HMBOX1: variants seen among roughly 807,000 people sequenced by gnomAD.
The protein encoded by HMBOX1 is homeobox containing 1.
Under a neutral mutation model 54.5 loss-of-function variants are expected in HMBOX1, and 14 were observed. The ratio of observed to expected loss-of-function variants is 0.26; its 90% CI spans 0.17 to 0.40. The LOEUF (loss-of-function observed/expected upper bound fraction) is 0.40, where lower values mean the gene tolerates loss of function less well. Among genes scored for constraint, HMBOX1 ranks in the 10% least tolerant of loss-of-function variants. HMBOX1 has a pLI of 1.00. For missense variants in HMBOX1, 332 were observed against 514.4 expected (o/e 0.65, Z 3.43); for synonymous variants, 160 against 181.0 (o/e 0.88, Z 0.93).
intron 1 of HMBOX1, among the ~76,000 whole-genome samples, chr8:28,950,250 T>A (rs1220187376): frequency 1.3e-5 from 2 of 152,218 alleles, no homozygotes; most frequent in East Asian, 3.9e-4. Flanking sequence ...AAAATACTCT[T>A]GGACCCCCAC....
chr8:29,010,085 G>A, intron 5 of HMBOX1: 3 of 982,766 alleles, frequency 3.1e-6, no homozygotes, highest in Non-Finnish European at 2.4e-6. Flanking sequence ...TTTCCCTAAA[G>A]GTCAGTTTCT....
intron 1 of HMBOX1, among the ~76,000 whole-genome samples, chr8:28,939,645 G>A (rs1032094650): frequency 6.6e-6 from 1 of 151,456 alleles, no homozygotes; most frequent in African/African-American, 2.4e-5. Flanking sequence ...GATTAGCTGG[G>A]ACTACAGGCA....
intron 1 of HMBOX1, among the ~76,000 whole-genome samples, chr8:28,911,470 C>G (rs1296485582): frequency 3.9e-5 from 6 of 152,354 alleles, no homozygotes; most frequent in African/African-American, 1.4e-4. Flanking sequence ...ATTCTCCTGC[C>G]TCAGCCTGGC....
At chr8:28,922,930 C>A (rs1817793267) in intron 1 of HMBOX1, among the ~76,000 whole-genome samples, 1 of 152,052 alleles carries the variant, frequency 6.6e-6, no homozygotes, top group African/African-American at 2.4e-5. Flanking sequence ...TCAAGTAATA[C>A]TATAAAAAAG....
intron 4 of HMBOX1, among the ~76,000 whole-genome samples, chr8:29,005,505 T>C (rs1833325794): frequency 6.6e-6 from 1 of 152,226 alleles, no homozygotes; most frequent in African/African-American, 2.4e-5. Context: ...CATCTTTCCA[T>C]ATTGATACAT....
rs1806507473 is a variant in HMBOX1 at position 29,052,238 on chromosome 8, C to G, written c.*1083C>G. Reference sequence around the variant, plus strand: ...GGGGTTGTGCTGCTTATCACAGATGCAGACACTTGCCCAGATAGGAGCAGA... The same window carrying G: ...GGGGTTGTGCTGCTTATCACAGATGGAGACACTTGCCCAGATAGGAGCAGA... On this transcript the variant is annotated 3_prime_UTR_variant, in exon 10 of 10. Transcript: ENST00000287701. 1.3e-5 allele frequency: 2 copies of G among 152,378 alleles called. No individual in the cohort carries two copies. The highest frequency in any genetic ancestry group is 6.5e-5 in the Admixed American group (1 of 15,304). The allele number at this position is 152,378 out of a possible 1,614,324, so 9.4% of individuals were successfully genotyped here.
At chr8:29,033,406 T>C (rs1047588806) in intron 6 of HMBOX1, among the ~76,000 whole-genome samples, 23 of 152,314 alleles carry the variant, frequency 1.5e-4, no homozygotes, top group African/African-American at 5.5e-4. Flanking sequence ...AGCAGGAGCC[T>C]GGACATGACC....
chr8:29,042,257 G>A (rs73669466), intron 6 of HMBOX1, among the ~76,000 whole-genome samples: 3,077 of 152,104 alleles, frequency 0.02, 88 homozygotes, highest in African/African-American at 0.07. Flanking sequence ...GAAAGGAAGG[G>A]GAATGAGGTC....
Position 29,005,240 on chromosome 8 carries a change from C to T in HMBOX1, c.587-3832C>T, listed in dbSNP as rs1411464506. Among the ~76,000 whole-genome samples, 6 of 152,162 alleles carry T rather than the reference C, an allele frequency of 3.9e-5. No individual in the cohort carries two copies. In the East Asian group the frequency reaches 1.2e-3, roughly 29 times the overall value. ...GAATTGGAGGGGGAAGACAGAAATTCTTTGCAACTATTTGCTTGTAAAATA... is the reference window on the plus strand; with the variant it reads ...GAATTGGAGGGGGAAGACAGAAATTTTTTGCAACTATTTGCTTGTAAAATA... On this transcript the variant is annotated intron_variant, in intron 4 of 9. Transcript: ENST00000287701.
chr8:29,025,942 C>CATCCT (rs1801950500), intron 6 of HMBOX1, among the ~76,000 whole-genome samples: 7 of 152,068 alleles, frequency 4.6e-5, no homozygotes, highest in African/African-American at 9.6e-5. Context: ...GCAAACTCCC[C>CATCCT]ATCCTCATTC....
At chr8:28,964,817 C>T (rs1361713166) in intron 2 of HMBOX1, among the ~76,000 whole-genome samples, 1 of 142,242 alleles carries the variant, frequency 7.0e-6, no homozygotes, top group African/African-American at 2.6e-5. Context: ...TGCTAAGTAG[C>T]TATATCCTTG....
intron 6 of HMBOX1, among the ~76,000 whole-genome samples, chr8:29,024,716 T>C (rs1801751802): frequency 6.6e-6 from 1 of 152,336 alleles, no homozygotes. Context: ...TTCACAATTC[T>C]ATACTGTAGG....
At chr8:28,995,565 G>T (rs1367538607) in intron 4 of HMBOX1, among the ~76,000 whole-genome samples, 2 of 152,064 alleles carry the variant, frequency 1.3e-5, no homozygotes, top group African/African-American at 4.8e-5. Flanking sequence ...ATGTTTTGAG[G>T]AACTGCCAAA....
At chr8:28,934,508 C>A (rs902509445) in intron 1 of HMBOX1, among the ~76,000 whole-genome samples, 32 of 152,154 alleles carry the variant, frequency 2.1e-4, no homozygotes, top group African/African-American at 7.7e-4. Flanking sequence ...GAAAAAAGAA[C>A]CAAAGCTGTC....
chr8:29,014,758 C>T (rs1310906153), intron 5 of HMBOX1, among the ~76,000 whole-genome samples: 1 of 152,128 alleles, frequency 6.6e-6, no homozygotes, highest in Non-Finnish European at 1.5e-5. Flanking sequence ...TGGCTCACTG[C>T]AACCTCTGCC....
intron 1 of HMBOX1, among the ~76,000 whole-genome samples, chr8:28,904,238 C>T (rs970621416): frequency 4.7e-5 from 7 of 150,284 alleles, no homozygotes; most frequent in African/African-American, 7.3e-5. Flanking sequence ...TATTTTATTT[C>T]TTCCAAATCT....
At chr8:28,967,293 T>C (rs1166151697) in intron 2 of HMBOX1, among the ~76,000 whole-genome samples, 1 of 152,212 alleles carries the variant, frequency 6.6e-6, no homozygotes, top group African/African-American at 2.4e-5. Context: ...AGTAAATAGG[T>C]GGCCTATTGT....
chr8:28,894,324 A>G (rs1004197585), intron 1 of HMBOX1, among the ~76,000 whole-genome samples: 2 of 152,190 alleles, frequency 1.3e-5, no homozygotes, highest in Admixed American at 6.5e-5. Context: ...AAATTGGTGT[A>G]TATCTATCAG....
chr8:29,022,509 C>A (rs140372267), intron 6 of HMBOX1, among the ~76,000 whole-genome samples: 63 of 152,166 alleles, frequency 4.1e-4, no homozygotes, highest in Admixed American at 8.5e-4. Context: ...CAGAAGATGA[C>A]CTAAATGTCT....
Sources: gnomAD v4.1 joint callset for allele counts (sites outside exome capture counted in the v4.1 genomes callset) on GRCh38, gnomAD v4.1.1 for gene constraint, MANE v1.5 for transcripts, NCBI Gene and HGNC (gene_info 2026-07-23, HGNC 2026-07-21) for gene names.